Variants in GK5 observed in about 807,000 individuals in gnomAD.
GK5 encodes glycerol kinase 5.
A neutral mutation model predicts 77.3 loss-of-function variants in GK5; 39 were observed. That is an observed-to-expected ratio of 0.50 (90% confidence interval 0.39 to 0.66). The LOEUF (loss-of-function observed/expected upper bound fraction) is 0.66. Ranked by LOEUF, GK5 falls within the 30% of genes least tolerant of loss-of-function variation. The pLI, the probability that GK5 is intolerant of heterozygous loss-of-function variation, is 0.00. For synonymous variants in GK5, 211 were observed against 208.0 expected (o/e 1.01, Z -0.13); for missense variants, 487 against 633.8 (o/e 0.77, Z 2.49).
chr3:142,198,936 A>G lies in GK5; in HGVS notation c.412-3T>C, dbSNP rs2107787807. ...ACTCGGCAAGAACTGTGAAATATCT[A>G]TATTTTAAAAAACATATTTTAGGAA... is the stretch of plus-strand genomic sequence containing the variant. On this transcript the variant is annotated splice_region_variant and splice_polypyrimidine_tract_variant and intron_variant, in intron 4 of 15. Transcript: ENST00000392993. The G allele has an allele frequency of 4.4e-6, 7 of 1,600,106 alleles. No individual in the cohort carries two copies. Among genetic ancestry groups the G allele is most frequent in the South Asian group, 2.3e-5 (2 of 88,776 alleles).
At chr3:142,194,492 C>T (rs2063903709) in intron 5 of GK5, among the ~76,000 whole-genome samples, 1 of 151,070 alleles carries the variant, frequency 6.6e-6, no homozygotes, top group Non-Finnish European at 1.5e-5. Context: ...TGCCACTGCA[C>T]TCCCTACTGG....
At chr3:142,218,488 C>A (rs2107799699) in intron 1 of GK5, among the ~76,000 whole-genome samples, 1 of 149,414 alleles carries the variant, frequency 6.7e-6, no homozygotes, top group East Asian at 2.0e-4. Flanking sequence ...GTTCAGCGAG[C>A]CGAGATCAAA....
At chr3:142,193,045 GACAGTGAAACT>G (rs1381553230) in intron 5 of GK5, among the ~76,000 whole-genome samples, 1 of 152,016 alleles carries the variant, frequency 6.6e-6, no homozygotes, top group Admixed American at 6.6e-5. Flanking sequence ...GATTTTTCAG[GACAGTGAAACT>G]ACAGTGTATA....
Position 142,186,004 on chromosome 3 carries a change from C to T in GK5, c.756-15G>A, listed in dbSNP as rs193244404. The T allele has an allele frequency of 6.3e-7, 1 of 1,588,592 alleles. No homozygotes were observed. Among genetic ancestry groups the T allele is most frequent in the Non-Finnish European group, 8.6e-7 (1 of 1,160,946 alleles). On this transcript the variant is annotated splice_polypyrimidine_tract_variant and intron_variant, in intron 8 of 15. Transcript: ENST00000392993. Reference sequence around the variant, plus strand: ...CAAAATTGTGGCTTCAAATAAAATTCATTAAAAAGTTAGTTACAGCTCTAG... The same window carrying T: ...CAAAATTGTGGCTTCAAATAAAATTTATTAAAAAGTTAGTTACAGCTCTAG...
At chr3:142,211,796 C>A (rs952729173) in intron 3 of GK5, among the ~76,000 whole-genome samples, 3 of 152,020 alleles carry the variant, frequency 2.0e-5, no homozygotes, top group Non-Finnish European at 4.4e-5. Context: ...CCTCATCCCC[C>A]AAAAATGAAA....
At chr3:142,197,717 A>G (rs899261968) in intron 5 of GK5, among the ~76,000 whole-genome samples, 9 of 152,222 alleles carry the variant, frequency 5.9e-5, no homozygotes, top group African/African-American at 1.7e-4. Flanking sequence ...GTGTTTTGAC[A>G]TTATCCTTTA....
intron 1 of GK5, among the ~76,000 whole-genome samples, chr3:142,221,963 A>G (rs2064354572): frequency 6.6e-6 from 1 of 152,142 alleles, no homozygotes; most frequent in Admixed American, 6.5e-5. Flanking sequence ...TTCTTTTTTA[A>G]AAATTTCTTT....
intron 2 of GK5, among the ~76,000 whole-genome samples, chr3:142,215,058 C>A (rs2064253226): frequency 6.6e-6 from 1 of 152,148 alleles, no homozygotes; most frequent in Non-Finnish European, 1.5e-5. Flanking sequence ...TACAAGTAAT[C>A]TTTGCCATGT....
chr3:142,167,485 A>G (rs941141055), intron 15 of GK5, among the ~76,000 whole-genome samples: 1 of 152,248 alleles, frequency 6.6e-6, no homozygotes, highest in Non-Finnish European at 1.5e-5. Flanking sequence ...TCTAGTCAGG[A>G]AAATAAATGT....
intron 3 of GK5, among the ~76,000 whole-genome samples, chr3:142,208,269 GA>G (rs2064140156): frequency 2.6e-5 from 4 of 152,032 alleles, no homozygotes; most frequent in African/African-American, 9.7e-5. Flanking sequence ...ATAAACAAAT[GA>G]AAAAATAAAT....
At chr3:142,167,297 C>T (rs1190455878) in intron 15 of GK5, among the ~76,000 whole-genome samples, 2 of 151,902 alleles carry the variant, frequency 1.3e-5, no homozygotes, top group African/African-American at 4.8e-5. Flanking sequence ...TCACTTGAGC[C>T]CAGGAGGCGG....
At chr3:142,212,387 T>C (rs2064198843) in intron 3 of GK5, among the ~76,000 whole-genome samples, 1 of 151,770 alleles carries the variant, frequency 6.6e-6, no homozygotes. Flanking sequence ...TACAAAAAAA[T>C]TAGCCAGGCA....
In GK5 at chr3:142,162,174, T is replaced by G. The variant is rs1234041602; in HGVS notation, c.*3448A>C. 1 of 152,242 alleles carries G rather than the reference T, an allele frequency of 6.6e-6. No individual in the cohort carries two copies. The highest frequency in any genetic ancestry group is 2.4e-5 in the African/African-American group (1 of 41,460). 9.4% of individuals were successfully genotyped at this position (152,242 alleles called of 1,614,324 possible). A position where few individuals can be genotyped will look rare whatever the true frequency, so the allele number is the denominator to read the frequency against. On this transcript the variant is annotated 3_prime_UTR_variant, in exon 16 of 16. Coordinates refer to ENST00000392993, the MANE Select transcript of GK5 (RefSeq NM_001039547.3). ...TCAAGATACGATTAACTAATTTTTT[T>G]GCTAACAACCATTTCCTAAGGTAAA... is the stretch of plus-strand genomic sequence containing the variant.
intron 9 of GK5, among the ~76,000 whole-genome samples, chr3:142,184,386 A>T (rs911940275): frequency 1.3e-5 from 2 of 152,068 alleles, no homozygotes; most frequent in Non-Finnish European, 2.9e-5. Context: ...CAACCCTCAC[A>T]AATTTATTTA....
chr3:142,186,435 GA>G lies in GK5; in HGVS notation c.681+16del, dbSNP rs142154007. 0.029 allele frequency: 42,115 copies of G among 1,437,074 alleles called. 1,472 individuals carry two copies. Among genetic ancestry groups the G allele is most frequent in the African/African-American group, 0.13 (9,092 of 68,592 alleles). The allele number at this position is 1,437,074 out of a possible 1,614,324, so 89.0% of individuals were successfully genotyped here. A position where few individuals can be genotyped will look rare whatever the true frequency, so the allele number is the denominator to read the frequency against. ...ACAAAAATGTGTGATTCAAAAAGAA[GA>G]AAAAAAAATTTTTACCTTATATGGG... On this transcript the variant is annotated intron_variant, in intron 7 of 15. Coordinates refer to ENST00000392993, the MANE Select transcript of GK5 (RefSeq NM_001039547.3).
intron 3 of GK5, among the ~76,000 whole-genome samples, chr3:142,209,224 G>T (rs1413841549): frequency 6.6e-6 from 1 of 152,150 alleles, no homozygotes; most frequent in African/African-American, 2.4e-5. Flanking sequence ...GTCAGTGAAG[G>T]CTTCAGAAAT....
chr3:142,189,789 A>G (rs890848331), intron 5 of GK5, among the ~76,000 whole-genome samples: 3 of 152,218 alleles, frequency 2.0e-5, no homozygotes, highest in African/African-American at 7.2e-5. Flanking sequence ...AATCATCTCA[A>G]TTATTAAGTT....
chr3:142,210,192 T>C (rs1360145974), intron 3 of GK5, among the ~76,000 whole-genome samples: 1 of 152,058 alleles, frequency 6.6e-6, no homozygotes, highest in African/African-American at 2.4e-5. Flanking sequence ...GTTTTAGACC[T>C]CCTGACAGCA....
chr3:142,193,181 G>A (rs1288359737), intron 5 of GK5, among the ~76,000 whole-genome samples: 1 of 152,148 alleles, frequency 6.6e-6, no homozygotes, highest in African/African-American at 2.4e-5. Context: ...GAAACTGTTG[G>A]GGAGTAAGGG....
Sources: allele counts gnomAD v4.1 joint callset (sites outside exome capture counted in the v4.1 genomes callset), GRCh38; gene constraint gnomAD v4.1.1; transcripts MANE v1.5; gene names NCBI Gene and HGNC (gene_info 2026-07-23, HGNC 2026-07-21).